REPS2: variants seen among roughly 807,000 people sequenced by gnomAD.
REPS2 encodes RALBP1 associated Eps domain containing 2, also known as ralBP1-associated Eps domain-containing protein 2.
A neutral mutation model predicts 53.6 loss-of-function variants in REPS2; 23 were observed. The observed-to-expected ratio is 0.43, with a 90% CI of 0.31 to 0.61. The LOEUF is 0.61. Ranked by LOEUF, REPS2 falls within the 20% of genes least tolerant of loss-of-function variation. The pLI, the probability that REPS2 is intolerant of heterozygous loss-of-function variation, is 0.11. For missense variants in REPS2, 446 were observed against 534.9 expected (o/e 0.83, Z 1.64); for synonymous variants, 238 against 218.6 (o/e 1.09, Z -0.78).
rs2062647565 is a variant in REPS2, at chrX:17,093,200, AAT to A, written c.1517-10517_1517-10516del. ...TATATATATATATATATATATATAT[AAT>A]TTTTTTTTTGGAAAGAGTGGCAACT... On this transcript the variant is annotated intron_variant, in intron 13 of 17. Coordinates refer to ENST00000357277, the MANE Select transcript of REPS2 (RefSeq NM_004726.3). Among the ~76,000 whole-genome samples, 168 of 15,663 alleles carry A rather than the reference AAT, an allele frequency of 0.011. 1 individual carries two copies. In the East Asian group the frequency reaches 0.13, roughly 12 times the overall value. The allele number at this position is 15,663 out of a possible 115,157, so 13.6% of individuals were successfully genotyped here.
At chrX:17,136,005 C>T (rs1325648288) in intron 16 of REPS2, 1 of 112,296 alleles carries the variant, frequency 8.9e-6, no homozygotes, top group Admixed American at 9.4e-5. Flanking sequence ...ATGCTCTGGA[C>T]AAACTATCCT....
chrX:16,996,009 G>T (rs2061230228), intron 1 of REPS2, among the ~76,000 whole-genome samples: 1 of 111,412 alleles, frequency 9.0e-6, no homozygotes, highest in Non-Finnish European at 1.9e-5. Flanking sequence ...AGGAGGAAGA[G>T]ATCTACCTGG....
chrX:17,025,334 G>T, intron 4 of REPS2, 149 bp downstream of exon 4: 1 of 628,210 alleles, frequency 1.6e-6, no homozygotes, highest in African/African-American at 2.3e-5. Context: ...ATATTCTCAA[G>T]CAAGGTTTTT....
intron 1 of REPS2, among the ~76,000 whole-genome samples, chrX:16,977,709 C>G (rs1252451437): frequency 1.2e-3 from 72 of 61,249 alleles, no homozygotes; most frequent in Middle Eastern, 0.015. Flanking sequence ...GAGCAAGACC[C>G]TGTCTCTAAA....
At chrX:17,137,065 T>C (rs1478227796) in intron 16 of REPS2, 1 of 112,649 alleles carries the variant, frequency 8.9e-6, no homozygotes, top group African/African-American at 3.2e-5. Flanking sequence ...TTATTTCTGC[T>C]TTTTTGGCTC....
chrX:17,158,203 G>C (rs1477845021), downstream of REPS2, among the ~76,000 whole-genome samples: 1 of 112,046 alleles, frequency 8.9e-6, no homozygotes, highest in African/African-American at 3.2e-5. Context: ...TAGACTACCA[G>C]GTTCCAAGAC....
intron 14 of REPS2, among the ~76,000 whole-genome samples, chrX:17,110,457 G>A (rs1461161536): frequency 4.7e-5 from 5 of 107,207 alleles, no homozygotes; most frequent in African/African-American, 1.7e-4. Context: ...GGCCGAGGTG[G>A]GTGGATCACC....
intron 8 of REPS2, among the ~76,000 whole-genome samples, chrX:17,056,358 G>A (rs754117406): frequency 3.6e-5 from 4 of 112,210 alleles, no homozygotes; most frequent in Non-Finnish European, 7.5e-5. Flanking sequence ...GTGGCCCTGG[G>A]CAATGGAGTG....
At chrX:16,968,902 G>A (rs1407250087) in intron 1 of REPS2, among the ~76,000 whole-genome samples, 10 of 109,779 alleles carry the variant, frequency 9.1e-5, no homozygotes, top group Admixed American at 1.9e-4. Context: ...GATGGCTGCC[G>A]GGTGGAGGGG....
intron 5 of REPS2, among the ~76,000 whole-genome samples, chrX:17,039,824 G>T (rs960180259): frequency 3.6e-5 from 4 of 112,283 alleles, no homozygotes; most frequent in African/African-American, 1.3e-4. Context: ...GATTTACCTC[G>T]CAGGGTTGTG....
chrX:17,035,294 AGACTGGACCAG>A (rs1372778770), intron 5 of REPS2, among the ~76,000 whole-genome samples: 3 of 108,087 alleles, frequency 2.8e-5, no homozygotes. Context: ...TTTTATGGGT[AGACTGGACCAG>A]GATGCAAGCA....
At chrX:17,011,137 G>A (rs1209569386) in intron 2 of REPS2, among the ~76,000 whole-genome samples, 5 of 109,902 alleles carry the variant, frequency 4.5e-5, no homozygotes, top group Non-Finnish European at 9.5e-5. Flanking sequence ...GGTGCTGTAC[G>A]ACACAGGGCA....
chrX:17,147,452 G>A lies in REPS2; in HGVS notation c.1954G>A (p.Glu652Lys). 8.3e-7 allele frequency: 1 copy of A among 1,206,205 alleles called. No homozygotes were observed. Among genetic ancestry groups the A allele is most frequent in the East Asian group, 3.0e-5 (1 of 33,692 alleles). The change falls in exon 18 of 18, where the codon GAA (glutamate) becomes AAA (lysine). Residue 652 changes from glutamate (E) to lysine (K), a missense_variant. By Grantham distance (56) the Glu-to-Lys change is moderately conservative. Transcript: ENST00000357277. ...ACGAATTGCATTGGAAAACCAATTGGAACAACTTCGTCCGGTCACTGTGTT... is the reference window on the plus strand; with the variant it reads ...ACGAATTGCATTGGAAAACCAATTGAAACAACTTCGTCCGGTCACTGTGTT... ...QERIALENQL[E>K]QLRPVTVL
intron 14 of REPS2, among the ~76,000 whole-genome samples, chrX:17,113,280 A>G (rs2063001387): frequency 1.9e-5 from 2 of 106,681 alleles, no homozygotes; most frequent in African/African-American, 3.4e-5. Flanking sequence ...CTTTAGCTAG[A>G]CTGACCAAGA....
At chrX:17,009,368 A>G (rs1007479313) in intron 2 of REPS2, among the ~76,000 whole-genome samples, 2 of 109,725 alleles carry the variant, frequency 1.8e-5, no homozygotes, top group African/African-American at 6.7e-5. Context: ...GGGTTTTGCC[A>G]TGTTGCCCAG....
chrX:16,970,925 C>G (rs2060883641), intron 1 of REPS2, among the ~76,000 whole-genome samples: 1 of 112,344 alleles, frequency 8.9e-6, no homozygotes, highest in Non-Finnish European at 1.9e-5. Context: ...CACTTTTTGC[C>G]TCTTATGTAT....
At chrX:16,973,290 T>C (rs1335797986) in intron 1 of REPS2, among the ~76,000 whole-genome samples, 1 of 112,072 alleles carries the variant, frequency 8.9e-6, no homozygotes, top group African/African-American at 3.2e-5. Context: ...AGTAAAATTA[T>C]TACTTTTTCT....
chrX:16,983,060 C>T (rs2061038273), intron 1 of REPS2, among the ~76,000 whole-genome samples: 1 of 112,262 alleles, frequency 8.9e-6, no homozygotes, highest in Non-Finnish European at 1.9e-5. Context: ...GCTAAGCATC[C>T]AACACTGCAC....
the REPS2 span, among the ~76,000 whole-genome samples, chrX:17,190,873 T>A: frequency 8.9e-6 from 1 of 111,905 alleles, no homozygotes; most frequent in Non-Finnish European, 1.9e-5. Flanking sequence ...GGAGAAAGAA[T>A]AATATTTTAA....
Sources: allele counts gnomAD v4.1 joint callset (sites outside exome capture counted in the v4.1 genomes callset), GRCh38; gene constraint gnomAD v4.1.1; transcripts MANE v1.5; gene names NCBI Gene and HGNC (gene_info 2026-07-23, HGNC 2026-07-21).